Variants in LYPD1 observed in about 807,000 individuals in gnomAD.
The protein encoded by LYPD1 is LY6/PLAUR domain containing 1.
In LYPD1, 14 loss-of-function variants were observed where a neutral mutation model predicts 14.2. The ratio of observed to expected loss-of-function variants is 0.99; its 90% CI spans 0.65 to 1.54. The LOEUF (loss-of-function observed/expected upper bound fraction) is 1.54. Ranked by LOEUF, LYPD1 falls within the 40% of genes most tolerant of loss-of-function variation. The pLI is 0.00. For missense variants in LYPD1, 165 were observed against 175.7 expected, an observed-to-expected ratio of 0.94 and a Z score of 0.34; for synonymous variants, 85 against 70.6, an observed-to-expected ratio of 1.20 and a Z score of -1.02.
rs147280589 is a variant in LYPD1 at position 132,664,323 on chromosome 2, T to G, written c.190+4077A>C. On this transcript the variant is annotated intron_variant, in intron 2 of 2. Transcript: ENST00000397463. Reference sequence around the variant, plus strand: ...CTAAGAGTGGATGACCAAGCATTTTTGCGACATCTAGTCCTCTGTTGCTAT... The same window carrying G: ...CTAAGAGTGGATGACCAAGCATTTTGGCGACATCTAGTCCTCTGTTGCTAT... 1.8e-4 allele frequency among the ~76,000 whole-genome samples: 28 copies of G among 152,330 alleles called. No homozygotes were observed. The East Asian group carries it at 5.2e-3, about 28-fold the overall frequency.
intron 2 of LYPD1, among the ~76,000 whole-genome samples, chr2:132,647,227 G>C (rs1204528366): frequency 1.3e-5 from 2 of 152,176 alleles, no homozygotes; most frequent in Non-Finnish European, 2.9e-5. Flanking sequence ...CAGATGTGAA[G>C]CCTCAGGGCT....
In LYPD1 at chr2:132,645,738, GC is replaced by G; in HGVS notation, c.*306del. 1.6e-6 allele frequency: 2 copies of G among 1,263,530 alleles called. No individual in the cohort carries two copies. The highest frequency in any genetic ancestry group is 1.1e-6 in the Non-Finnish European group (1 of 929,102). 78.3% of individuals were successfully genotyped at this position (1,263,530 alleles called of 1,614,324 possible). On this transcript the variant is annotated 3_prime_UTR_variant, in exon 3 of 3. Transcript: ENST00000397463. ...ACTGGAGGCTTTACAAAAGGCAGAT[GC>G]CCACCTCAGTGACTTCTAAGGACTG...
At chr2:132,655,704 T>C (rs921910402) in intron 2 of LYPD1, among the ~76,000 whole-genome samples, 7 of 151,740 alleles carry the variant, frequency 4.6e-5, no homozygotes, top group East Asian at 1.9e-4. Context: ...TTAGTAGAGA[T>C]GGGGTTTCAT....
intron 2 of LYPD1, among the ~76,000 whole-genome samples, chr2:132,647,627 G>A (rs1460299325): frequency 6.6e-6 from 1 of 152,268 alleles, no homozygotes; most frequent in Middle Eastern, 3.4e-3. Flanking sequence ...CACTGCGCCC[G>A]GCCATATGTG....
intron 2 of LYPD1, among the ~76,000 whole-genome samples, chr2:132,652,913 A>G (rs920542285): frequency 1.3e-5 from 2 of 152,192 alleles, no homozygotes; most frequent in Non-Finnish European, 2.9e-5. Flanking sequence ...TGGGCATGCC[A>G]AGGAATGAAG....
intron 2 of LYPD1, among the ~76,000 whole-genome samples, chr2:132,657,242 C>T (rs1172638389): frequency 2.0e-5 from 3 of 152,138 alleles, no homozygotes; most frequent in Non-Finnish European, 2.9e-5. Context: ...TTTCTTTGCT[C>T]ATTTATAACT....
At chr2:132,668,847 C>G (rs1259678528) in intron 1 of LYPD1, among the ~76,000 whole-genome samples, 2 of 152,228 alleles carry the variant, frequency 1.3e-5, no homozygotes, top group Non-Finnish European at 2.9e-5. Flanking sequence ...GGTACCACCG[C>G]AAGAGTGAAG....
intron 2 of LYPD1, among the ~76,000 whole-genome samples, chr2:132,647,495 A>G (rs4340582): frequency 0.57 from 87,213 of 152,036 alleles, 26,754 homozygotes; most frequent in African/African-American, 0.8. Flanking sequence ...ACCACACCCG[A>G]CTAACTTTTG....
rs1681938981 is a variant in LYPD1 at position 132,644,275 on chromosome 2, C to T, written c.*1770G>A. Among the ~76,000 whole-genome samples, 1 of 152,252 alleles carries T rather than the reference C, an allele frequency of 6.6e-6. No homozygotes were observed. The highest frequency in any genetic ancestry group is 1.5e-5 in the Non-Finnish European group (1 of 68,050). On this transcript the variant is annotated 3_prime_UTR_variant, in exon 3 of 3. Transcript: ENST00000397463. Reference sequence around the variant, plus strand: ...GTACATGCAGTAAACATTTGATCTACAGAAGGGCCTTTGAGTGGTCTCTTC... The same window carrying T: ...GTACATGCAGTAAACATTTGATCTATAGAAGGGCCTTTGAGTGGTCTCTTC...
In LYPD1 at chr2:132,647,493, C is replaced by T. The variant is rs116829184; in HGVS notation, c.191-1213G>A. On this transcript the variant is annotated intron_variant, in intron 2 of 2. Coordinates refer to ENST00000397463, the MANE Select transcript of LYPD1 (RefSeq NM_144586.7). Reference sequence around the variant, plus strand: ...TCGCCCAGGCGCCCGCCACCACACCCGACTAACTTTTGTAGTTTTAGTAGA... The same window carrying T: ...TCGCCCAGGCGCCCGCCACCACACCTGACTAACTTTTGTAGTTTTAGTAGA... Among the ~76,000 whole-genome samples, 936 of 152,268 alleles carry T rather than the reference C, an allele frequency of 6.1e-3. 4 individuals carry two copies. The highest frequency in any genetic ancestry group is 0.01 in the Non-Finnish European group (690 of 68,020).
rs892670592 is a variant in LYPD1, at chr2:132,645,116, C to T, written c.*929G>A. The T allele has an allele frequency of 1.2e-6, 2 of 1,612,818 alleles. No homozygotes were observed. The highest frequency in any genetic ancestry group is 1.7e-6 in the Non-Finnish European group (2 of 1,179,346). Reference sequence around the variant, plus strand: ...GTCTGCCCAGGGCTGATTGTTGTGACATTGGCCGTATGCTGGATGCCCAAC... The same window carrying T: ...GTCTGCCCAGGGCTGATTGTTGTGATATTGGCCGTATGCTGGATGCCCAAC... On this transcript the variant is annotated 3_prime_UTR_variant, in exon 3 of 3. Transcript: ENST00000397463.
At chr2:132,661,497 C>T (rs1269648815) in intron 2 of LYPD1, among the ~76,000 whole-genome samples, 1 of 152,146 alleles carries the variant, frequency 6.6e-6, no homozygotes, top group Non-Finnish European at 1.5e-5. Flanking sequence ...TCTGCTAAAC[C>T]TGAGCTTTCT....
In LYPD1 at chr2:132,650,445, A is replaced by G. The variant is rs142116169; in HGVS notation, c.191-4165T>C. ...AAATGCATGTACTCTGTGACCTAGC[A>G]ATTCCACTTTTACGCATGTACCCTA... On this transcript the variant is annotated intron_variant, in intron 2 of 2. Transcript: ENST00000397463. Among the ~76,000 whole-genome samples, 341 of 152,326 alleles carry G rather than the reference A, an allele frequency of 2.2e-3. 3 individuals are homozygous for G. Among genetic ancestry groups the G allele is most frequent in the South Asian group, 8.7e-3 (42 of 4,826 alleles).
rs1400848713 is a variant in LYPD1 at position 132,669,896 on chromosome 2, A to C, written c.37T>G (p.Leu13Val). The change falls in exon 1 of 3, where the codon TTG becomes GTG. Residue 13 changes from leucine (L) to valine (V), a missense_variant. Coordinates refer to ENST00000397463, the MANE Select transcript of LYPD1 (RefSeq NM_144586.7). This position sits in a 1 kb window ranked among gnomAD's most constrained non-coding sequence, Gnocchi z 4.3. ...GTATTCTCACCTGGAAGCAAGAACAATCCGCAAAAAGTTGCCGCGATGCCT... is the reference window on the plus strand; with the variant it reads ...GTATTCTCACCTGGAAGCAAGAACACTCCGCAAAAAGTTGCCGCGATGCCT... ...VLGIAATFCGLFLLPGFALQI... is the reference protein window; with the variant it reads ...VLGIAATFCGVFLLPGFALQI... 5.0e-6 allele frequency: 8 copies of C among 1,612,848 alleles called. No homozygotes were observed. The highest frequency in any genetic ancestry group is 6.8e-6 in the Non-Finnish European group (8 of 1,179,384).
intron 2 of LYPD1, among the ~76,000 whole-genome samples, chr2:132,649,381 C>T (rs1236990120): frequency 6.6e-6 from 1 of 152,086 alleles, no homozygotes; most frequent in Non-Finnish European, 1.5e-5. Flanking sequence ...TGTTTGGAGT[C>T]TGCAAAGAAG....
chr2:132,653,107 T>C (rs1383527516), intron 2 of LYPD1, among the ~76,000 whole-genome samples: 2 of 152,208 alleles, frequency 1.3e-5, no homozygotes, highest in African/African-American at 4.8e-5. Context: ...ATGTACTTAA[T>C]GGGATGGAGG....
In LYPD1 at chr2:132,647,699, G is replaced by GACTT. The variant is rs371900954; in HGVS notation, c.191-1423_191-1420dup. Among the ~76,000 whole-genome samples the GACTT allele has an allele frequency of 2.2e-3, 329 of 152,278 alleles. 1 individual carries two copies. The highest frequency in any genetic ancestry group is 6.6e-3 in the African/African-American group (273 of 41,560). On this transcript the variant is annotated intron_variant, in intron 2 of 2. Transcript: ENST00000397463. ...ATGATAGTGTTTAATACTAAAGCTA[G>GACTT]ACTTAGAATTAACAGGTCTTAATCC... is the stretch of plus-strand genomic sequence containing the variant.
intron 2 of LYPD1, 61 bp downstream of exon 2, chr2:132,668,339 C>A: frequency 6.6e-7 from 1 of 1,509,638 alleles, no homozygotes; most frequent in Non-Finnish European, 8.8e-7. Flanking sequence ...TTTAATGGCC[C>A]CCTCACTCCC....
At position 132,645,604 on chromosome 2, in the gene LYPD1, T is replaced by C. The variant is rs1558871549; in HGVS notation, c.*441A>G. On this transcript the variant is annotated 3_prime_UTR_variant, in exon 3 of 3. Transcript: ENST00000397463. ...GAATGGTTTTCAGGAGCATGAAGTT[T>C]GAATGTCAAGCGAGGGAGCCTTGAG... 6.2e-7 allele frequency: 1 copy of C among 1,609,308 alleles called. No homozygotes were observed. Among genetic ancestry groups the C allele is most frequent in the South Asian group, 1.1e-5 (1 of 90,586 alleles).
Sources: gnomAD v4.1 joint callset for allele counts (sites outside exome capture counted in the v4.1 genomes callset) on GRCh38, gnomAD v4.1.1 for gene constraint, Gnocchi (gnomAD v3.1) non-coding constraint, MANE v1.5 for transcripts, NCBI Gene and HGNC (gene_info 2026-07-23, HGNC 2026-07-21) for gene names.